SLC22A4: variants seen among roughly 807,000 people sequenced by gnomAD.
The protein encoded by SLC22A4 is ET transporter.
SLC22A4 carries 39 observed loss-of-function variants against 56.6 expected under a neutral mutation model. That is an observed-to-expected ratio of 0.69 (90% CI 0.53 to 0.90). SLC22A4 has a LOEUF of 0.90. Among genes scored for constraint, SLC22A4 ranks in the 40% least tolerant of loss-of-function variants. SLC22A4 has a pLI of 0.00. For synonymous variants in SLC22A4, 241 were observed against 281.4 expected, an observed-to-expected ratio of 0.86 and a Z score of 1.44; for missense variants, 594 against 696.5, an observed-to-expected ratio of 0.85 and a Z score of 1.66.
chr5:132,340,427 G>T, intron 8 of SLC22A4, 138 bp from the exon 9 acceptor site: 1 of 833,686 alleles, frequency 1.2e-6, no homozygotes, highest in Non-Finnish European at 2.1e-6. Context: ...CTGATATTTT[G>T]CTTACTTTTT....
rs34494670 is a variant in SLC22A4 at position 132,329,111 on chromosome 5, A to AT, written c.951+1717dup. On this transcript the variant is annotated intron_variant, in intron 5 of 9. Transcript: ENST00000200652. ...CCACCAAACCCAGCTAACATTTTGT[A>AT]TTTTTTTTTGTAGAGACAGGGTTTC... Among the ~76,000 whole-genome samples the AT allele has an allele frequency of 6.0e-5, 9 of 150,122 alleles. No individual in the cohort carries two copies. The South Asian group carries it at 6.4e-4, about 11-fold the overall frequency.
In SLC22A4 at chr5:132,322,297, T is replaced by G; in HGVS notation, c.766T>G (p.Trp256Gly). 1 of 1,614,148 alleles carries G rather than the reference T, an allele frequency of 6.2e-7. No homozygotes were observed. The highest frequency in any genetic ancestry group is 8.5e-7 in the Non-Finnish European group (1 of 1,180,016). The change falls in exon 4 of 10, where the codon TGG becomes GGG. Residue 256 changes from tryptophan to glycine, a missense_variant. Transcript: ENST00000200652. ...LPLFAYFIRD[W>G]RMLLLALTVP... is the part of the protein sequence containing the mutation. ...ACTGTTTGCTTACTTCATCAGAGAC[T>G]GGCGGATGCTGCTGCTGGCGCTGAC... is the stretch of plus-strand genomic sequence containing the variant.
chr5:132,342,486 T>C (rs1751249193), intron 9 of SLC22A4, among the ~76,000 whole-genome samples: 1 of 152,240 alleles, frequency 6.6e-6, no homozygotes, highest in Admixed American at 6.5e-5. Flanking sequence ...TTGAGTGTCC[T>C]ATAATGCAGT....
Position 132,294,569 on chromosome 5 carries a change from AC to A in SLC22A4, c.-47del. ...CCAGCTACAAGACACTGTCCTGAGA[AC>A]GCTGTCATCACCCGTAGTTGCAAGT... On this transcript the variant is annotated 5_prime_UTR_variant, in exon 1 of 10. Coordinates refer to ENST00000200652, the MANE Select transcript of SLC22A4 (RefSeq NM_003059.3). This position sits in a 1 kb window ranked among gnomAD's most constrained non-coding sequence, Gnocchi z 5.6. The A allele has an allele frequency of 6.2e-7, 1 of 1,613,638 alleles. No individual in the cohort carries two copies. The highest frequency in any genetic ancestry group is 8.5e-7 in the Non-Finnish European group (1 of 1,179,912).
rs937434798 is a variant in SLC22A4 at position 132,344,190 on chromosome 5, A to G, written c.*355A>G. The G allele has an allele frequency of 2.3e-5, 5 of 217,306 alleles. No individual in the cohort carries two copies. Among genetic ancestry groups the G allele is most frequent in the African/African-American group, 1.2e-4 (5 of 43,188 alleles). 13.5% of individuals were successfully genotyped at this position (217,306 alleles called of 1,614,324 possible). On this transcript the variant is annotated 3_prime_UTR_variant, in exon 10 of 10. Coordinates refer to ENST00000200652, the MANE Select transcript of SLC22A4 (RefSeq NM_003059.3). Reference sequence around the variant, plus strand: ...AAATAACATCATTGTATTAACGCAAATATTAGGTGACAACAATGTGTGTGT... The same window carrying G: ...AAATAACATCATTGTATTAACGCAAGTATTAGGTGACAACAATGTGTGTGT...
chr5:132,340,534 G>A, intron 8 of SLC22A4, 31 bp from the exon 9 acceptor site: 1 of 1,611,688 alleles, frequency 6.2e-7, no homozygotes, highest in African/African-American at 1.3e-5. Context: ...CCTCCTATCT[G>A]ATTGATGTTC....
At chr5:132,332,465 A>T (rs73265586) in intron 6 of SLC22A4, among the ~76,000 whole-genome samples, 1 of 151,978 alleles carries the variant, frequency 6.6e-6, no homozygotes, top group African/African-American at 2.4e-5. Flanking sequence ...TGAGATTAAG[A>T]CTAATGATGT....
At chr5:132,305,570 A>G (rs1188965412) in intron 1 of SLC22A4, among the ~76,000 whole-genome samples, 1 of 152,214 alleles carries the variant, frequency 6.6e-6, no homozygotes, top group African/African-American at 2.4e-5. Flanking sequence ...GGTACATACA[A>G]GAGAACTCCA....
chr5:132,318,868 G>T (rs1300484744), intron 3 of SLC22A4, among the ~76,000 whole-genome samples: 1 of 152,226 alleles, frequency 6.6e-6, no homozygotes, highest in Middle Eastern at 3.4e-3. Context: ...AGGGGGCCAG[G>T]ACAGGGATCC....
Position 132,308,372 on chromosome 5 carries a change from A to ATT in SLC22A4, c.394-3753_394-3752dup, listed in dbSNP as rs56259514. 3.2e-3 allele frequency among the ~76,000 whole-genome samples: 196 copies of ATT among 61,314 alleles called. 10 individuals are homozygous for ATT. The highest frequency in any genetic ancestry group is 0.012 in the Middle Eastern group (1 of 82). The allele number at this position is 61,314 out of a possible 152,430, so 40.2% of individuals were successfully genotyped here. On this transcript the variant is annotated intron_variant, in intron 1 of 9. Transcript: ENST00000200652. Reference sequence around the variant, plus strand: ...TGTCAGTTGAATCAATGATTAAGCAATTTTTTTTTTTTTTTTTTTTTTTTT... The same window carrying ATT: ...TGTCAGTTGAATCAATGATTAAGCAATTTTTTTTTTTTTTTTTTTTTTTTTTT...
chr5:132,331,941 G>A, intron 6 of SLC22A4, 91 bp downstream of exon 6: 1 of 859,774 alleles, frequency 1.2e-6, no homozygotes, highest in South Asian at 1.3e-5. Flanking sequence ...GACAACGACT[G>A]GGTTTTCCTG....
chr5:132,305,650 GT>G (rs1561535489), intron 1 of SLC22A4, among the ~76,000 whole-genome samples: 2 of 152,172 alleles, frequency 1.3e-5, no homozygotes, highest in African/African-American at 4.8e-5. Flanking sequence ...CATATTCTAA[GT>G]GCTGAAGGAA....
chr5:132,332,202 TA>T (rs960672034), intron 6 of SLC22A4: 2 of 309,688 alleles, frequency 6.5e-6, no homozygotes, highest in African/African-American at 4.3e-5. Context: ...TAATCCCAGC[TA>T]CTTGGGAGGC....
intron 3 of SLC22A4, among the ~76,000 whole-genome samples, chr5:132,320,200 G>T (rs1173559142): frequency 2.0e-5 from 3 of 152,194 alleles, no homozygotes; most frequent in Admixed American, 6.5e-5. Flanking sequence ...TAGAGAGGGA[G>T]ATTATCCAGG....
chr5:132,314,144 T>C (rs1750266319), intron 3 of SLC22A4, among the ~76,000 whole-genome samples: 1 of 152,194 alleles, frequency 6.6e-6, no homozygotes, highest in African/African-American at 2.4e-5. Context: ...TCCTGGTTGC[T>C]TGTGAAGAGA....
At chr5:132,331,250 G>A (rs1349884050) in intron 5 of SLC22A4, among the ~76,000 whole-genome samples, 4 of 152,110 alleles carry the variant, frequency 2.6e-5, no homozygotes, top group Non-Finnish European at 2.9e-5. Context: ...CAGGAGAATC[G>A]CTTGAACCTG....
intron 1 of SLC22A4, 92 bp downstream of exon 1, chr5:132,295,101 A>G (rs1749748234): frequency 7.3e-7 from 1 of 1,365,400 alleles, no homozygotes; most frequent in Admixed American, 2.0e-5. Context: ...TGCCCGGGTC[A>G]GCGCTCCCCT....
Position 132,337,466 on chromosome 5 carries a change from G to A in SLC22A4, c.1444+1466G>A, listed in dbSNP as rs149871737. ...ATTTTTTTTTTTTTCTGGTAGAGAC[G>A]GGATTTTGCCAGTTTGCCCAGGCTG... On this transcript the variant is annotated intron_variant, in intron 8 of 9. Coordinates refer to ENST00000200652, the MANE Select transcript of SLC22A4 (RefSeq NM_003059.3). Among the ~76,000 whole-genome samples, 501 of 151,124 alleles carry A rather than the reference G, an allele frequency of 3.3e-3. 4 individuals carry two copies. Among genetic ancestry groups the A allele is most frequent in the African/African-American group, 0.011 (472 of 41,154 alleles).
chr5:132,343,350 T>A (rs1418536150), intron 9 of SLC22A4, among the ~76,000 whole-genome samples: 1 of 152,224 alleles, frequency 6.6e-6, no homozygotes, highest in Non-Finnish European at 1.5e-5. Context: ...AGATAAAGTG[T>A]TCCCAGTGCC....
Sources: gnomAD v4.1 joint callset for allele counts (sites outside exome capture counted in the v4.1 genomes callset) on GRCh38, gnomAD v4.1.1 for gene constraint, Gnocchi (gnomAD v3.1) non-coding constraint, MANE v1.5 for transcripts, NCBI Gene and HGNC (gene_info 2026-07-23, HGNC 2026-07-21) for gene names.